Variants in FOXP1 observed in about 807,000 individuals in gnomAD.
The protein encoded by FOXP1 is forkhead box P1, also known as forkhead box protein P1.
In FOXP1, 15 loss-of-function variants were observed where a neutral mutation model predicts 98.2. That is an observed-to-expected ratio of 0.15 (90% CI 0.10 to 0.24). The LOEUF (loss-of-function observed/expected upper bound fraction) is 0.24, where lower values mean the gene tolerates loss of function less well. Among genes scored for constraint, FOXP1 ranks in the 10% least tolerant of loss-of-function variants. The pLI, the probability that FOXP1 is intolerant of heterozygous loss-of-function variation, is 1.00. For missense variants in FOXP1, 633 were observed against 848.5 expected (o/e 0.75, Z 3.15); for synonymous variants, 371 against 314.5 (o/e 1.18, Z -1.90).
At chr3:71,082,394 C>T (rs1227007689) in intron 7 of FOXP1, among the ~76,000 whole-genome samples, 2 of 150,344 alleles carry the variant, frequency 1.3e-5, no homozygotes, top group African/African-American at 4.9e-5. Flanking sequence ...GTAAACAACA[C>T]ACGTTCTCAC....
chr3:71,407,742 T>C lies in FOXP1; in HGVS notation c.-167-48498A>G, dbSNP rs1300547521. 2.6e-5 allele frequency among the ~76,000 whole-genome samples: 4 copies of C among 151,468 alleles called. No individual in the cohort carries two copies. In the East Asian group the frequency reaches 5.8e-4, roughly 22 times the overall value. On this transcript the variant is annotated intron_variant, in intron 3 of 20. Transcript: ENST00000649528. ...GTGAAATATTCCTGCTGGCGGATCA[T>C]AAACAGCACAAAAATAGGGACCAAA...
chr3:71,529,215 T>C (rs1409403678), intron 2 of FOXP1, among the ~76,000 whole-genome samples: 4 of 152,234 alleles, frequency 2.6e-5, no homozygotes, highest in Admixed American at 1.3e-4. Context: ...TTCAGTTTGT[T>C]AGTATGTCTC....
At chr3:71,085,238 G>C (rs138242976) in intron 7 of FOXP1, among the ~76,000 whole-genome samples, 1 of 152,160 alleles carries the variant, frequency 6.6e-6, no homozygotes, top group East Asian at 1.9e-4. Flanking sequence ...AACCTCCCAT[G>C]GTCAAGCAAT....
At chr3:71,289,016 CTTCTTAT>C (rs1310091458) in intron 5 of FOXP1, among the ~76,000 whole-genome samples, 14 of 114,768 alleles carry the variant, frequency 1.2e-4, no homozygotes, top group Non-Finnish European at 2.0e-4. Flanking sequence ...TCACAACTCT[CTTCTTAT>C]TTATTTATTT....
chr3:71,178,734 A>T (rs1256310996), intron 6 of FOXP1, among the ~76,000 whole-genome samples: 1 of 151,926 alleles, frequency 6.6e-6, no homozygotes, highest in African/African-American at 2.4e-5. Context: ...ATACAAAAAA[A>T]TTAGCCAGGC....
intron 6 of FOXP1, 128 bp downstream of exon 6, chr3:71,198,074 A>C (rs1167104684): frequency 6.2e-7 from 1 of 1,614,042 alleles, no homozygotes; most frequent in East Asian, 2.2e-5. Flanking sequence ...TGCCACTGAC[A>C]GACAGAAAGA....
At chr3:70,977,270 AATTT>A (rs774836611) in intron 16 of FOXP1, among the ~76,000 whole-genome samples, 4 of 152,170 alleles carry the variant, frequency 2.6e-5, no homozygotes, top group African/African-American at 7.2e-5. Flanking sequence ...CAGAAATATT[AATTT>A]ATTAGTCATT....
At chr3:71,090,096 T>A (rs34036937) in intron 7 of FOXP1, among the ~76,000 whole-genome samples, 16,986 of 152,268 alleles carry the variant, frequency 0.11, 1,294 homozygotes, top group Non-Finnish European at 0.16. Context: ...AGGTTAAATG[T>A]TGTGTGCATA....
chr3:71,237,401 T>C (rs2066892416), intron 5 of FOXP1, among the ~76,000 whole-genome samples: 1 of 152,176 alleles, frequency 6.6e-6, no homozygotes, highest in Non-Finnish European at 1.5e-5. Flanking sequence ...TTTATACATA[T>C]GGCCTATCTT....
chr3:71,495,608 T>C (rs2091353111), intron 2 of FOXP1, among the ~76,000 whole-genome samples: 1 of 152,222 alleles, frequency 6.6e-6, no homozygotes, highest in Non-Finnish European at 1.5e-5. Flanking sequence ...AATCATTATT[T>C]CATTCTATTC....
chr3:71,013,891 A>C (rs533295168), intron 12 of FOXP1, among the ~76,000 whole-genome samples: 8 of 152,238 alleles, frequency 5.3e-5, no homozygotes, highest in East Asian at 3.9e-4. Context: ...CAAAAACAAG[A>C]AATGGGGAAA....
intron 6 of FOXP1, among the ~76,000 whole-genome samples, chr3:71,178,908 A>C (rs546084090): frequency 4.2e-4 from 64 of 151,648 alleles, no homozygotes; most frequent in East Asian, 7.9e-4. Context: ...AACAAACAAA[A>C]AAAAAACAAA....
intron 3 of FOXP1, among the ~76,000 whole-genome samples, chr3:71,405,755 T>C (rs1354500950): frequency 6.6e-6 from 1 of 151,412 alleles, no homozygotes; most frequent in Non-Finnish European, 1.5e-5. Context: ...TGAGATGGAG[T>C]TTCACTCTTG....
At chr3:71,411,842 C>A (rs2082773837) in intron 3 of FOXP1, among the ~76,000 whole-genome samples, 1 of 152,214 alleles carries the variant, frequency 6.6e-6, no homozygotes, top group African/African-American at 2.4e-5. Context: ...TCTCCATACA[C>A]CTCCATTTCT....
intron 7 of FOXP1, chr3:71,064,867 G>A (rs1031110359): frequency 2.1e-6 from 2 of 973,268 alleles, no homozygotes; most frequent in African/African-American, 1.8e-5. Context: ...AGCCGGGCTC[G>A]GGGCGCCCGC....
intron 3 of FOXP1, among the ~76,000 whole-genome samples, chr3:71,434,475 C>T (rs184806615): frequency 2.2e-4 from 33 of 152,232 alleles, no homozygotes; most frequent in Admixed American, 2.0e-3. Flanking sequence ...TACCTGAGGC[C>T]TTACGTTTTA....
At chr3:70,985,013 C>CTTTGTGA (rs2039494908) in intron 14 of FOXP1, among the ~76,000 whole-genome samples, 1 of 152,184 alleles carries the variant, frequency 6.6e-6, no homozygotes, top group Non-Finnish European at 1.5e-5. Flanking sequence ...ACTTAACACC[C>CTTTGTGA]AAATGGCATT....
At chr3:71,320,023 T>C (rs9875477) in intron 4 of FOXP1, among the ~76,000 whole-genome samples, 27,410 of 152,026 alleles carry the variant, frequency 0.18, 2,635 homozygotes, top group Non-Finnish European at 0.21. Context: ...ACTCTGCAAT[T>C]CCCTTGTGAA....
chr3:71,499,944 A>AT (rs1462103018), intron 2 of FOXP1, among the ~76,000 whole-genome samples: 2 of 152,194 alleles, frequency 1.3e-5, no homozygotes, highest in African/African-American at 4.8e-5. Context: ...AATAATAATA[A>AT]TAATAACTCA....
Sources: gnomAD v4.1 joint callset for allele counts (sites outside exome capture counted in the v4.1 genomes callset) on GRCh38, gnomAD v4.1.1 for gene constraint, MANE v1.5 for transcripts, NCBI Gene and HGNC (gene_info 2026-07-23, HGNC 2026-07-21) for gene names.